Variants in MIS18A observed in about 807,000 individuals in gnomAD.
The protein encoded by MIS18A is MIS18 kinetochore protein A, also known as protein Mis18-alpha.
A neutral mutation model predicts 25.0 loss-of-function variants in MIS18A; 14 were observed. The observed-to-expected ratio is 0.56, with a 90% CI of 0.37 to 0.88. The LOEUF is 0.88. Among genes scored for constraint, MIS18A ranks in the 40% least tolerant of loss-of-function variants. The pLI is 0.00. For synonymous variants in MIS18A, 134 were observed against 118.6 expected, an observed-to-expected ratio of 1.13 and a Z score of -0.84; for missense variants, 292 against 290.8, an observed-to-expected ratio of 1.00 and a Z score of -0.03.
the MIS18A span, among the ~76,000 whole-genome samples, chr21:32,259,508 C>G: frequency 5.1e-4 from 78 of 152,318 alleles, no homozygotes; most frequent in African/African-American, 1.7e-3. Context: ...TCTGGACCTT[C>G]CTACTTCAGG....
the MIS18A span, among the ~76,000 whole-genome samples, chr21:32,155,531 A>C: frequency 3.9e-5 from 6 of 152,218 alleles, no homozygotes; most frequent in Non-Finnish European, 7.3e-5. Flanking sequence ...ATAGTTTGAC[A>C]GTTATAACAG....
chr21:32,201,198 T>C, the MIS18A span, among the ~76,000 whole-genome samples: 2 of 151,984 alleles, frequency 1.3e-5, no homozygotes, highest in Non-Finnish European at 2.9e-5. Context: ...CATGAACTCA[T>C]TGCTGCTGGG....
At chr21:32,240,243 A>G in the MIS18A span, among the ~76,000 whole-genome samples, 9 of 152,258 alleles carry the variant, frequency 5.9e-5, no homozygotes, top group Non-Finnish European at 1.2e-4. Flanking sequence ...AATCCCCAAC[A>G]TGGTGGTACT....
At chr21:32,204,271 G>T in the MIS18A span, among the ~76,000 whole-genome samples, 1 of 152,062 alleles carries the variant, frequency 6.6e-6, no homozygotes, top group Non-Finnish European at 1.5e-5. Flanking sequence ...GGCTGAGGTG[G>T]GTGGATCATG....
At chr21:32,251,956 A>G in the MIS18A span, among the ~76,000 whole-genome samples, 1 of 152,120 alleles carries the variant, frequency 6.6e-6, no homozygotes, top group Non-Finnish European at 1.5e-5. Flanking sequence ...CTTCTTCCAG[A>G]TTTTCATCAG....
At chr21:32,175,684 G>C in the MIS18A span, among the ~76,000 whole-genome samples, 1 of 151,166 alleles carries the variant, frequency 6.6e-6, no homozygotes, top group African/African-American at 2.4e-5. Context: ...GTGGGTGCCT[G>C]TAATCCCAGC....
At chr21:32,243,589 C>T in the MIS18A span, among the ~76,000 whole-genome samples, 1 of 152,188 alleles carries the variant, frequency 6.6e-6, no homozygotes, top group Non-Finnish European at 1.5e-5. Flanking sequence ...GAAACTGGAA[C>T]ATCTAAACAT....
At chr21:32,215,938 AG>A in the MIS18A span, among the ~76,000 whole-genome samples, 2 of 152,226 alleles carry the variant, frequency 1.3e-5, no homozygotes, top group Non-Finnish European at 2.9e-5. Context: ...CATAACAAAA[AG>A]GTCTAACATT....
At chr21:32,190,685 A>T in the MIS18A span, among the ~76,000 whole-genome samples, 1 of 152,204 alleles carries the variant, frequency 6.6e-6, no homozygotes, top group Non-Finnish European at 1.5e-5. Flanking sequence ...CAACCGTGGG[A>T]TCTAACAACG....
chr21:32,248,430 T>C, the MIS18A span, among the ~76,000 whole-genome samples: 4 of 152,294 alleles, frequency 2.6e-5, no homozygotes, highest in East Asian at 7.7e-4. Flanking sequence ...CTTATCCCCC[T>C]GAGCGCTCAG....
the MIS18A span, among the ~76,000 whole-genome samples, chr21:32,241,368 T>TAAA: frequency 6.8e-5 from 6 of 88,406 alleles, no homozygotes; most frequent in Non-Finnish European, 1.0e-4. Context: ...TAGCTGACAA[T>TAAA]AAAAAAAAAA....
chr21:32,263,024 G>T, the MIS18A span, among the ~76,000 whole-genome samples: 2 of 152,162 alleles, frequency 1.3e-5, no homozygotes, highest in Non-Finnish European at 2.9e-5. Context: ...TTAGCCTACA[G>T]ATAGAACTCA....
the MIS18A span, among the ~76,000 whole-genome samples, chr21:32,220,058 A>C: frequency 3.3e-5 from 5 of 152,192 alleles, no homozygotes; most frequent in Non-Finnish European, 5.9e-5. Flanking sequence ...TCTTCAGCAG[A>C]CTTAAACGTT....
the MIS18A span, among the ~76,000 whole-genome samples, chr21:32,191,506 C>T: frequency 3.3e-5 from 5 of 152,128 alleles, no homozygotes; most frequent in African/African-American, 4.8e-5. Context: ...GCGGAAGGAT[C>T]ATTTGAGCCC....
At chr21:32,265,722 G>T (rs1006220087), downstream of MIS18A, among the ~76,000 whole-genome samples, 1 of 152,258 alleles carries the variant, frequency 6.6e-6, no homozygotes, top group Non-Finnish European at 1.5e-5. Context: ...TGCGAGCACA[G>T]GGCACAGGAC....
chr21:32,165,483 A>C, the MIS18A span, among the ~76,000 whole-genome samples: 1 of 151,850 alleles, frequency 6.6e-6, no homozygotes, highest in African/African-American at 2.4e-5. Flanking sequence ...TTTCCAGCAG[A>C]GGGCCCAAAG....
the MIS18A span, among the ~76,000 whole-genome samples, chr21:32,262,487 T>C: frequency 7.2e-5 from 11 of 152,174 alleles, no homozygotes; most frequent in African/African-American, 2.7e-4. Flanking sequence ...CTGGTAAGGG[T>C]GGACAACGGT....
the MIS18A span, among the ~76,000 whole-genome samples, chr21:32,247,592 G>A: frequency 1.4e-3 from 218 of 152,286 alleles, no homozygotes; most frequent in Non-Finnish European, 2.6e-3. Context: ...CGGATGTAGG[G>A]TTATGAAAGA....
the MIS18A span, among the ~76,000 whole-genome samples, chr21:32,199,432 GA>G: frequency 3.3e-5 from 5 of 150,846 alleles, no homozygotes; most frequent in East Asian, 3.9e-4. Context: ...CTTGAAAACA[GA>G]AAAAAAAATT....
Sources: allele counts gnomAD v4.1 joint callset (sites outside exome capture counted in the v4.1 genomes callset), GRCh38; gene constraint gnomAD v4.1.1; transcripts MANE v1.5; gene names NCBI Gene and HGNC (gene_info 2026-07-23, HGNC 2026-07-21).